The following TMEM114 variants were observed in gnomAD, a reference collection of about 807,000 sequenced individuals.
TMEM114 encodes the protein transmembrane protein 114, also known as claudin-26.
Under a neutral mutation model 6.2 loss-of-function variants are expected in TMEM114, and 6 were observed. That is an observed-to-expected ratio of 0.97 (90% confidence interval 0.53 to 1.91). The LOEUF is 1.91. Among genes scored for constraint, TMEM114 ranks in the 40% most tolerant of loss-of-function variants. The pLI is 0.01. For missense variants in TMEM114, 218 were observed against 158.3 expected (o/e 1.38, Z -2.02); for synonymous variants, 104 against 73.0 (o/e 1.42, Z -2.16).
Position 8,589,750 on chromosome 16 carries a change from T to A in TMEM114, c.89A>T (p.Asp30Val), listed in dbSNP as rs1344132429. 2.5e-6 allele frequency: 1 copy of A among 398,206 alleles called. No homozygotes were observed. The highest frequency in any genetic ancestry group is 4.4e-6 in the Non-Finnish European group (1 of 226,012). 24.7% of individuals were successfully genotyped at this position (398,206 alleles called of 1,614,324 possible). Residue 30 changes from aspartate to valine, a missense_variant, in exon 1 of 4, where the codon GAC becomes GTC. Coordinates refer to ENST00000620492, the MANE Select transcript of TMEM114 (RefSeq NM_001146336.2). ...CTCGGTGTCAATGATATACCAGAAG[T>A]CCGTGCCGATGGCGGCCGCCAGGAG... ...FVLLAAAIGT[D>V]FWYIIDTERL...
At chr16:8,529,441 T>C in the TMEM114 span, among the ~76,000 whole-genome samples, 1 of 152,116 alleles carries the variant, frequency 6.6e-6, no homozygotes. Context: ...AGCAGGGACA[T>C]TTGTTGAAGA....
At chr16:8,541,400 C>G (rs1216969367) in intron 2 of TMEM114, among the ~76,000 whole-genome samples, 5 of 152,008 alleles carry the variant, frequency 3.3e-5, no homozygotes, top group African/African-American at 1.2e-4. Context: ...CCAAGCACTA[C>G]TGGATAATAT....
At chr16:8,533,209 G>A (rs945180423), downstream of TMEM114, among the ~76,000 whole-genome samples, 1 of 152,206 alleles carries the variant, frequency 6.6e-6, no homozygotes, top group African/African-American at 2.4e-5. Context: ...GTAATTGATG[G>A]AGAATTGTTG....
At chr16:8,567,703 C>G (rs1186311204), downstream of TMEM114, among the ~76,000 whole-genome samples, 3 of 152,196 alleles carry the variant, frequency 2.0e-5, no homozygotes, top group Non-Finnish European at 4.4e-5. Flanking sequence ...GCTGAGAACT[C>G]TGGCCCTGCA....
intron 2 of TMEM114, among the ~76,000 whole-genome samples, chr16:8,550,365 C>A (rs926211529): frequency 6.6e-6 from 1 of 152,298 alleles, no homozygotes; most frequent in East Asian, 1.9e-4. Context: ...GAATTTTGTT[C>A]GTGTTCTCTG....
chr16:8,570,153 C>G, intron 3 of TMEM114, 148 bp from the exon 4 acceptor site: 1 of 1,104,034 alleles, frequency 9.1e-7, no homozygotes. Context: ...CTAGTCTCCC[C>G]GCTGGGTGCA....
At chr16:8,535,787 A>G (rs1318826673), downstream of TMEM114, among the ~76,000 whole-genome samples, 2 of 152,200 alleles carry the variant, frequency 1.3e-5, no homozygotes, top group East Asian at 1.9e-4. Flanking sequence ...GAGCCCTGCC[A>G]TGTTTCATGT....
intron 2 of TMEM114, among the ~76,000 whole-genome samples, chr16:8,554,361 C>T (rs1900940967): frequency 6.6e-6 from 1 of 151,920 alleles, no homozygotes; most frequent in African/African-American, 2.4e-5. Flanking sequence ...TTCAAGACTG[C>T]AGTGATCTAT....
chr16:8,554,086 C>G (rs1460406480), intron 2 of TMEM114, among the ~76,000 whole-genome samples: 2 of 152,076 alleles, frequency 1.3e-5, no homozygotes, highest in Non-Finnish European at 2.9e-5. Context: ...ACCATGTTGC[C>G]CAGGCTGATC....
chr16:8,565,394 CAGAT>C (rs765670470), downstream of TMEM114, among the ~76,000 whole-genome samples: 33 of 152,260 alleles, frequency 2.2e-4, 1 homozygote, highest in South Asian at 2.1e-3. Context: ...TCTTCTTTGC[CAGAT>C]AGAGCGCCTT....
At chr16:8,558,735 G>C (rs1901097979) in intron 2 of TMEM114, among the ~76,000 whole-genome samples, 1 of 139,146 alleles carries the variant, frequency 7.2e-6, no homozygotes, top group Admixed American at 7.5e-5. Flanking sequence ...CAGTATGATT[G>C]CACCCAGTTC....
At chr16:8,563,511 AAAAGAGTGAGTG>A (rs1441432126) in intron 2 of TMEM114, among the ~76,000 whole-genome samples, 13 of 135,050 alleles carry the variant, frequency 9.6e-5, no homozygotes, top group African/African-American at 3.2e-4. Context: ...GGGAGGGAGG[AAAAGAGTGAGTG>A]AATGAGTAAG....
chr16:8,587,992 A>T (rs1167085966), intron 2 of TMEM114, among the ~76,000 whole-genome samples: 9 of 151,078 alleles, frequency 6.0e-5, no homozygotes, highest in African/African-American at 2.2e-4. Flanking sequence ...TATCACTATT[A>T]AAAAAAAACT....
chr16:8,582,668 T>C (rs1417997348), intron 2 of TMEM114, among the ~76,000 whole-genome samples: 1 of 152,150 alleles, frequency 6.6e-6, no homozygotes, highest in African/African-American at 2.4e-5. Context: ...GGCGGGTGGA[T>C]CACTTGAGGT....
rs1460541990 is a variant in TMEM114, at chr16:8,589,941, C to T, written c.-103G>A. On this transcript the variant is annotated 5_prime_UTR_variant, in exon 1 of 4. Transcript: ENST00000620492. Reference sequence around the variant, plus strand: ...GGCCACCGCGGGCTCCCAGCTCCACCGCCGCCAGAGCCGCGGAGCTCAGAT... The same window carrying T: ...GGCCACCGCGGGCTCCCAGCTCCACTGCCGCCAGAGCCGCGGAGCTCAGAT... 1.0e-5 allele frequency: 4 copies of T among 387,918 alleles called. No individual in the cohort carries two copies. The highest frequency in any genetic ancestry group is 1.4e-5 in the Non-Finnish European group (3 of 219,976). The allele number at this position is 387,918 out of a possible 1,614,324, so 24.0% of individuals were successfully genotyped here.
chr16:8,553,512 G>A (rs1329706372), intron 2 of TMEM114, among the ~76,000 whole-genome samples: 1 of 151,826 alleles, frequency 6.6e-6, no homozygotes, highest in African/African-American at 2.4e-5. Context: ...TTGAGACGGA[G>A]TCTCGCTGTG....
chr16:8,569,988 C>A lies in TMEM114; in HGVS notation c.457G>T (p.Gly153Trp). ...FLFGAMVTLAGISVYIAYSAA... is the reference protein window; with the variant it reads ...FLFGAMVTLAWISVYIAYSAA... ...GAATACGCTATGTAGACGCTGATCC[C>A]AGCGAGGGTCACCATGGCTGCAGGG... Residue 153 changes from glycine (G) to tryptophan (W), a missense_variant, in exon 4 of 4, where the codon GGG becomes TGG. Transcript: ENST00000620492. 6.5e-7 allele frequency: 1 copy of A among 1,549,768 alleles called. No individual in the cohort carries two copies. The highest frequency in any genetic ancestry group is 8.7e-7 in the Non-Finnish European group (1 of 1,146,084).
intron 2 of TMEM114, among the ~76,000 whole-genome samples, chr16:8,543,807 G>A (rs976684006): frequency 2.0e-5 from 3 of 152,272 alleles, no homozygotes; most frequent in East Asian, 3.9e-4. Context: ...TAGAAAATGT[G>A]CTGAAAGAAT....
chr16:8,543,452 C>T (rs543924192), intron 2 of TMEM114, among the ~76,000 whole-genome samples: 1 of 73,790 alleles, frequency 1.4e-5, no homozygotes, highest in Non-Finnish European at 2.7e-5. Context: ...TTGCGTCATG[C>T]AATGGTGCAC....
Sources: allele counts gnomAD v4.1 joint callset (sites outside exome capture counted in the v4.1 genomes callset), GRCh38; gene constraint gnomAD v4.1.1; transcripts MANE v1.5; gene names NCBI Gene and HGNC (gene_info 2026-07-23, HGNC 2026-07-21).